TPD52L1: variants seen among roughly 807,000 people sequenced by gnomAD.
TPD52L1 encodes TPD52 like 1.
TPD52L1 carries 18 observed loss-of-function variants against 28.7 expected under a neutral mutation model. That is an observed-to-expected ratio of 0.63 (90% CI 0.43 to 0.93). The LOEUF is 0.93. Among genes scored for constraint, TPD52L1 ranks in the 40% least tolerant of loss-of-function variants. The probability of loss-of-function intolerance (pLI) is 0.00; values close to 1 mark genes in which losing one functional copy is unlikely to be tolerated. For synonymous variants in TPD52L1, 75 were observed against 88.8 expected (o/e 0.84, Z 0.88); for missense variants, 203 against 254.8 (o/e 0.80, Z 1.39).
rs1167404045 is a variant in TPD52L1, at chr6:125,252,080, G to C, written c.387-1637G>C. 1.0e-5 allele frequency: 16 copies of C among 1,535,396 alleles called. No homozygotes were observed. The Admixed American group carries it at 2.0e-4, about 19-fold the overall frequency. ...CGTGTGGGGCTTTCCCCACTCCCTTGCTGCCCCTTTGCTTTCCAGGGCTCC... is the reference window on the plus strand; with the variant it reads ...CGTGTGGGGCTTTCCCCACTCCCTTCCTGCCCCTTTGCTTTCCAGGGCTCC... On this transcript the variant is annotated intron_variant, in intron 4 of 6. Coordinates refer to ENST00000534000, the MANE Select transcript of TPD52L1 (RefSeq NM_003287.4).
chr6:125,213,699 C>A (rs922802710), intron 1 of TPD52L1, among the ~76,000 whole-genome samples: 1 of 152,092 alleles, frequency 6.6e-6, no homozygotes, highest in Non-Finnish European at 1.5e-5. Flanking sequence ...GAGAATTAAA[C>A]ACGAGGGGCC....
intron 1 of TPD52L1, among the ~76,000 whole-genome samples, chr6:125,155,127 T>G (rs1165423268): frequency 6.6e-6 from 1 of 152,174 alleles, no homozygotes; most frequent in Non-Finnish European, 1.5e-5. Flanking sequence ...AAGCTGCCGC[T>G]TCCCATATTT....
intron 3 of TPD52L1, among the ~76,000 whole-genome samples, chr6:125,239,522 C>CA (rs1405030379): frequency 1.3e-5 from 2 of 152,122 alleles, no homozygotes; most frequent in Admixed American, 6.6e-5. Flanking sequence ...TTTACTACCA[C>CA]AAAAATAGTA....
intron 1 of TPD52L1, among the ~76,000 whole-genome samples, chr6:125,180,416 C>G (rs1792107069): frequency 6.6e-6 from 1 of 152,036 alleles, no homozygotes; most frequent in African/African-American, 2.4e-5. Flanking sequence ...CAGTTAATGC[C>G]AAGCACAGTT....
At chr6:125,185,126 C>T (rs1792511295) in intron 1 of TPD52L1, among the ~76,000 whole-genome samples, 1 of 152,158 alleles carries the variant, frequency 6.6e-6, no homozygotes, top group African/African-American at 2.4e-5. Flanking sequence ...AAGTCATAAA[C>T]TTCCATGTCC....
intron 6 of TPD52L1, among the ~76,000 whole-genome samples, chr6:125,259,406 T>A (rs770125405): frequency 6.6e-6 from 1 of 152,256 alleles, no homozygotes; most frequent in Non-Finnish European, 1.5e-5. Context: ...GTAGTTTGTT[T>A]TTCCATGAAA....
Position 125,229,132 on chromosome 6 carries a change from TAC to T in TPD52L1, c.152_153del (p.Thr51AsnfsTer15), listed in dbSNP as rs745395326. On this transcript the variant is annotated frameshift_variant, in exon 3 of 7. Transcript: ENST00000534000. LOFTEE classifies it high-confidence loss of function. ...CCGCCTTGTAGCTAGAAGACGAAAT[TAC>T]AACACTACGACAAGTTTTGTCAGCG... ...AELVQLEDEI[T>X]TLRQVLSAKE... is the part of the protein sequence containing the mutation. 1.9e-6 allele frequency: 3 copies of T among 1,612,412 alleles called. No individual in the cohort carries two copies. Among genetic ancestry groups the T allele is most frequent in the Admixed American group, 3.3e-5 (2 of 59,708 alleles).
intron 1 of TPD52L1, among the ~76,000 whole-genome samples, chr6:125,189,543 C>G (rs149751357): frequency 1.3e-3 from 197 of 152,250 alleles, no homozygotes; most frequent in African/African-American, 4.7e-3. Flanking sequence ...TTTAGATATT[C>G]ACTAGGAAAA....
chr6:125,182,865 C>T (rs913867911), intron 1 of TPD52L1, among the ~76,000 whole-genome samples: 4 of 152,190 alleles, frequency 2.6e-5, no homozygotes, highest in African/African-American at 9.7e-5. Flanking sequence ...TTAAAAATTA[C>T]TGTGTGTTTA....
chr6:125,175,682 C>T (rs1037670280), intron 1 of TPD52L1, among the ~76,000 whole-genome samples: 2 of 152,148 alleles, frequency 1.3e-5, no homozygotes. Flanking sequence ...ACAAGAGATG[C>T]TTCTAATGTT....
Position 125,251,663 on chromosome 6 carries a change from C to T in TPD52L1, c.387-2054C>T, listed in dbSNP as rs1373438892. On this transcript the variant is annotated intron_variant, in intron 4 of 6. Transcript: ENST00000534000. Reference sequence around the variant, plus strand: ...ATGAGGTCACACTTAGGAAAGTACTCAGAAGAAATCCAAGCGGTTGGAATC... The same window carrying T: ...ATGAGGTCACACTTAGGAAAGTACTTAGAAGAAATCCAAGCGGTTGGAATC... 2.0e-5 allele frequency among the ~76,000 whole-genome samples: 3 copies of T among 152,170 alleles called. No individual in the cohort carries two copies. In the East Asian group the frequency reaches 5.8e-4, roughly 29 times the overall value.
intron 3 of TPD52L1, among the ~76,000 whole-genome samples, chr6:125,242,659 T>C (rs1796682878): frequency 6.6e-6 from 1 of 152,174 alleles, no homozygotes; most frequent in Non-Finnish European, 1.5e-5. Flanking sequence ...TTTCCACCTC[T>C]TTACCTTAAG....
At chr6:125,232,030 G>T (rs6923152) in intron 3 of TPD52L1, among the ~76,000 whole-genome samples, 1 of 152,106 alleles carries the variant, frequency 6.6e-6, no homozygotes, top group African/African-American at 2.4e-5. Context: ...TTTTGGCTCC[G>T]TAAAGTCTGA....
intron 1 of TPD52L1, among the ~76,000 whole-genome samples, chr6:125,205,466 G>A (rs1293241315): frequency 6.6e-6 from 1 of 152,142 alleles, no homozygotes; most frequent in Non-Finnish European, 1.5e-5. Context: ...ATACTGTATA[G>A]GCACAAGCTA....
At chr6:125,167,253 CAAAT>C (rs1438502253) in intron 1 of TPD52L1, among the ~76,000 whole-genome samples, 1 of 151,962 alleles carries the variant, frequency 6.6e-6, no homozygotes, top group Admixed American at 6.6e-5. Flanking sequence ...TCAAAAAACA[CAAAT>C]AAAACAAAAA....
chr6:125,246,131 A>G (rs1796909501), intron 3 of TPD52L1, among the ~76,000 whole-genome samples: 1 of 152,272 alleles, frequency 6.6e-6, no homozygotes, highest in African/African-American at 2.4e-5. Context: ...GGCTTTTCCC[A>G]TTGCTGCTAC....
intron 1 of TPD52L1, among the ~76,000 whole-genome samples, chr6:125,168,068 A>T (rs1791022820): frequency 6.6e-6 from 1 of 152,202 alleles, no homozygotes; most frequent in South Asian, 2.1e-4. Flanking sequence ...CCAGTTTATC[A>T]CTTACTATCT....
intron 1 of TPD52L1, among the ~76,000 whole-genome samples, chr6:125,194,356 T>A (rs969757126): frequency 3.9e-5 from 6 of 152,190 alleles, no homozygotes; most frequent in Non-Finnish European, 8.8e-5. Context: ...AGGTCATTCA[T>A]GAAATACATC....
chr6:125,248,374 G>T lies in TPD52L1; in HGVS notation c.377G>T (p.Gly126Val), dbSNP rs767341837. 32 of 1,613,904 alleles carry T rather than the reference G, an allele frequency of 2.0e-5. No individual in the cohort carries two copies. The highest frequency in any genetic ancestry group is 2.5e-5 in the Non-Finnish European group (30 of 1,179,888). Residue 126 changes from glycine (G) to valine (V), a missense_variant, in exon 4 of 7, where the codon GGA becomes GTA. Gly to Val is a moderately radical substitution (Grantham distance 109, BLOSUM62 -3). Coordinates refer to ENST00000534000, the MANE Select transcript of TPD52L1 (RefSeq NM_003287.4). ...GGAACGGCCATCAGCAAGAAGTTCG[G>T]AGACATGAGGTACTGTGGGAAAATA... ...NVGTAISKKF[G>V]DMSYSIRHSI... is the part of the protein sequence containing the mutation.
Sources: gnomAD v4.1 joint callset for allele counts (sites outside exome capture counted in the v4.1 genomes callset) on GRCh38, gnomAD v4.1.1 for gene constraint, MANE v1.5 for transcripts, NCBI Gene and HGNC (gene_info 2026-07-23, HGNC 2026-07-21) for gene names.